Variants in LGI2 observed in about 807,000 individuals in gnomAD.
LGI2 encodes the protein leucine-rich repeat LGI family member 2.
A neutral mutation model predicts 52.0 loss-of-function variants in LGI2; 30 were observed. The observed-to-expected ratio is 0.58, with a 90% CI of 0.43 to 0.78. The LOEUF is 0.78. Among genes scored for constraint, LGI2 ranks in the 30% least tolerant of loss-of-function variants. LGI2 has a pLI of 0.00. For synonymous variants in LGI2, 270 were observed against 271.8 expected, an observed-to-expected ratio of 0.99 and a Z score of 0.06; for missense variants, 573 against 692.5, an observed-to-expected ratio of 0.83 and a Z score of 1.94.
rs369663020 is a variant in LGI2 at position 25,017,398 on chromosome 4, C to T, written c.655+591G>A. Among the ~76,000 whole-genome samples the T allele has an allele frequency of 1.6e-3, 247 of 151,786 alleles. 1 individual carries two copies. Among genetic ancestry groups the T allele is most frequent in the African/African-American group, 5.6e-3 (231 of 41,382 alleles). ...CTCTACTAAAAATACAAAAATTAGC[C>T]GGGTGTGGTGGTGCACACCTGTAAT... On this transcript the variant is annotated intron_variant, in intron 6 of 7. Transcript: ENST00000382114.
In LGI2 at chr4:25,003,634, T is replaced by G. The variant is rs745593778; in HGVS notation, c.1455A>C (p.Thr485=). 2 of 1,614,200 alleles carry G rather than the reference T, an allele frequency of 1.2e-6. No homozygotes were observed. Among genetic ancestry groups the G allele is most frequent in the Non-Finnish European group, 1.7e-6 (2 of 1,180,030 alleles). ...NHYLALGSDY[T]FSQIYQWDKE... is the part of the protein sequence containing the mutation. ...TATCCCACTGGTATATCTGAGAGAA[T>G]GTATAGTCACTCCCCAGGGCCAGGT... The change falls in exon 8 of 8, where the codon ACA becomes ACC. Residue 485 remains threonine (T), a synonymous_variant. Coordinates refer to ENST00000382114, the MANE Select transcript of LGI2 (RefSeq NM_018176.4).
chr4:25,011,522 T>G (rs1034537644), intron 7 of LGI2, among the ~76,000 whole-genome samples: 7 of 152,042 alleles, frequency 4.6e-5, no homozygotes, highest in African/African-American at 1.7e-4. Context: ...ACTTGGTGCT[T>G]GGGAGACTCT....
chr4:25,012,444 G>T lies in LGI2; in HGVS notation c.711C>A (p.Asn237Lys). Residue 237 changes from asparagine to lysine, a missense_variant, in exon 7 of 8, where the codon AAC (asparagine) becomes AAA (lysine). By Grantham distance (94) the Asn-to-Lys change is moderately conservative. Coordinates refer to ENST00000382114, the MANE Select transcript of LGI2 (RefSeq NM_018176.4). ...TGGCCACGTACACATCGTTCTTGGAGTTGAACGTATCCACTGAAACCGACT... is the reference window on the plus strand; with the variant it reads ...TGGCCACGTACACATCGTTCTTGGATTTGAACGTATCCACTGAAACCGACT... The part of the protein sequence containing the change: ...PYQSVSVDTF[N>K]SKNDVYVAIA... 3 of 1,614,212 alleles carry T rather than the reference G, an allele frequency of 1.9e-6. No individual in the cohort carries two copies. The highest frequency in any genetic ancestry group is 1.7e-6 in the Non-Finnish European group (2 of 1,180,022).
chr4:25,010,770 C>T (rs137986261), intron 7 of LGI2, among the ~76,000 whole-genome samples: 9 of 152,324 alleles, frequency 5.9e-5, no homozygotes, highest in Non-Finnish European at 8.8e-5. Flanking sequence ...CGGCCAACAT[C>T]GGCATTGGAA....
At chr4:25,019,827 T>C (rs1725897666) in intron 4 of LGI2, among the ~76,000 whole-genome samples, 1 of 152,238 alleles carries the variant, frequency 6.6e-6, no homozygotes, top group Non-Finnish European at 1.5e-5. Context: ...TTTGGTACAC[T>C]ACATATTTTA....
chr4:25,012,544 G>A, intron 6 of LGI2, 45 bp from the exon 7 acceptor site: 5 of 1,593,474 alleles, frequency 3.1e-6, no homozygotes, highest in Non-Finnish European at 4.3e-6. Flanking sequence ...AAAATCTCCT[G>A]TAGGGATTAT....
chr4:25,021,701 G>T (rs2109421538), intron 4 of LGI2, among the ~76,000 whole-genome samples: 1 of 152,238 alleles, frequency 6.6e-6, no homozygotes, highest in Non-Finnish European at 1.5e-5. Context: ...GGAGGCCGAG[G>T]TGGGTGGATC....
intron 4 of LGI2, among the ~76,000 whole-genome samples, chr4:25,022,399 C>T (rs1252022358): frequency 6.6e-6 from 1 of 152,130 alleles, no homozygotes; most frequent in Non-Finnish European, 1.5e-5. Flanking sequence ...GCTTGATGTT[C>T]TGAAGACACT....
the LGI2 span, among the ~76,000 whole-genome samples, chr4:24,992,552 A>T: frequency 6.6e-6 from 1 of 151,874 alleles, no homozygotes; most frequent in Non-Finnish European, 1.5e-5. Context: ...CATCTCTACT[A>T]AAAATAAAAA....
rs545685915 is a variant in LGI2, at chr4:24,999,488, T to A, written c.*3963A>T. 4 of 192,762 alleles carry A rather than the reference T, an allele frequency of 2.1e-5. No homozygotes were observed. In the South Asian group the frequency reaches 4.0e-4, roughly 19 times the overall value. 11.9% of individuals were successfully genotyped at this position (192,762 alleles called of 1,614,324 possible). Reference sequence around the variant, plus strand: ...GCATCATTGCATACAACTAGATTATTGTATTCCACTCCAGGAAGCTGTTGA... The same window carrying A: ...GCATCATTGCATACAACTAGATTATAGTATTCCACTCCAGGAAGCTGTTGA... On this transcript the variant is annotated 3_prime_UTR_variant, in exon 8 of 8. Transcript: ENST00000382114.
At chr4:25,027,982 T>C (rs1314029247) in intron 2 of LGI2, among the ~76,000 whole-genome samples, 1 of 152,200 alleles carries the variant, frequency 6.6e-6, no homozygotes, top group East Asian at 1.9e-4. Flanking sequence ...ACAAGTTAGT[T>C]AAGTTCCCTG....
intron 3 of LGI2, 122 bp downstream of exon 3, chr4:25,026,746 G>T: frequency 1.3e-6 from 1 of 759,154 alleles, no homozygotes; most frequent in East Asian, 2.5e-5. Flanking sequence ...AAAGAGAATG[G>T]GGTGTTCTCC....
intron 2 of LGI2, among the ~76,000 whole-genome samples, chr4:25,027,554 A>C (rs2109427503): frequency 6.6e-6 from 1 of 152,364 alleles, no homozygotes; most frequent in African/African-American, 2.4e-5. Context: ...AATTTCTAAG[A>C]GGCCTCAGAT....
chr4:25,015,168 T>C (rs1725720708), intron 6 of LGI2, among the ~76,000 whole-genome samples: 2 of 152,256 alleles, frequency 1.3e-5, no homozygotes, highest in Non-Finnish European at 2.9e-5. Context: ...GATTTTTACA[T>C]AGCTATTTAT....
chr4:25,028,930 T>C (rs747766508), intron 1 of LGI2, among the ~76,000 whole-genome samples: 1 of 152,228 alleles, frequency 6.6e-6, no homozygotes, highest in Non-Finnish European at 1.5e-5. Context: ...ATGATTCTGT[T>C]TGTGTAGACA....
rs1165932461 is a variant in LGI2 at position 25,002,282 on chromosome 4, G to A, written c.*1169C>T. On this transcript the variant is annotated 3_prime_UTR_variant, in exon 8 of 8. Coordinates refer to ENST00000382114, the MANE Select transcript of LGI2 (RefSeq NM_018176.4). ...TGGTAAAGTACTGGGAGAGGAAGGA[G>A]TCTTCCTATCTGAGTATCTTGGGTT... 1 of 152,236 alleles carries A rather than the reference G, an allele frequency of 6.6e-6. No individual in the cohort carries two copies. The highest frequency in any genetic ancestry group is 6.5e-5 in the Admixed American group (1 of 15,282). 9.4% of individuals were successfully genotyped at this position (152,236 alleles called of 1,614,324 possible). A position where few individuals can be genotyped will look rare whatever the true frequency, so the allele number is the denominator to read the frequency against.
intron 1 of LGI2, among the ~76,000 whole-genome samples, chr4:25,029,632 T>C (rs1458222542): frequency 6.6e-6 from 1 of 152,188 alleles, no homozygotes; most frequent in Non-Finnish European, 1.5e-5. Context: ...GTCATTTGGC[T>C]TGAGTGGCCA....
At chr4:24,998,594 C>A (rs1389876011), downstream of LGI2, among the ~76,000 whole-genome samples, 1 of 152,184 alleles carries the variant, frequency 6.6e-6, no homozygotes, top group African/African-American at 2.4e-5. Context: ...CTTTGTCAAT[C>A]TGTCAGGATT....
downstream of LGI2, among the ~76,000 whole-genome samples, chr4:24,998,007 A>G (rs1413991621): frequency 6.6e-6 from 1 of 151,978 alleles, no homozygotes; most frequent in African/African-American, 2.4e-5. Flanking sequence ...CCTCCTGAGT[A>G]GCTGGGACTA....
Sources: allele counts gnomAD v4.1 joint callset (sites outside exome capture counted in the v4.1 genomes callset), GRCh38; gene constraint gnomAD v4.1.1; transcripts MANE v1.5; gene names NCBI Gene and HGNC (gene_info 2026-07-23, HGNC 2026-07-21).